MCTP1: variants seen among roughly 807,000 people sequenced by gnomAD.
MCTP1 encodes multiple C2 and transmembrane domain containing 1.
Under a neutral mutation model 120.6 loss-of-function variants are expected in MCTP1, and 69 were observed. That is an observed-to-expected ratio of 0.57 (90% CI 0.47 to 0.70). The LOEUF is 0.70. Ranked by LOEUF, MCTP1 falls within the 30% of genes least tolerant of loss-of-function variation. The probability of loss-of-function intolerance (pLI) is 0.00; values close to 1 mark genes in which losing one functional copy is unlikely to be tolerated. For synonymous variants in MCTP1, 529 were observed against 493.1 expected (o/e 1.07, Z -0.96); for missense variants, 1,203 against 1,248.8 (o/e 0.96, Z 0.55).
At chr5:95,172,758 G>A (rs1399876389) in intron 1 of MCTP1, among the ~76,000 whole-genome samples, 1 of 152,092 alleles carries the variant, frequency 6.6e-6, no homozygotes, top group Non-Finnish European at 1.5e-5. Context: ...GGTATCTCTT[G>A]TTCTGTTGTG....
At chr5:95,025,286 T>A (rs1481320377) in intron 1 of MCTP1, among the ~76,000 whole-genome samples, 1 of 152,192 alleles carries the variant, frequency 6.6e-6, no homozygotes, top group African/African-American at 2.4e-5. Context: ...CAATTGAGTT[T>A]TGATAGAGGT....
intron 1 of MCTP1, among the ~76,000 whole-genome samples, chr5:95,080,059 CT>C (rs1291846395): frequency 9.2e-5 from 14 of 152,024 alleles, no homozygotes; most frequent in Non-Finnish European, 2.1e-4. Context: ...TTTCTTTTCT[CT>C]TTTTCAAAGA....
chr5:95,277,275 A>T (rs1759928583), intron 1 of MCTP1, among the ~76,000 whole-genome samples: 1 of 152,162 alleles, frequency 6.6e-6, no homozygotes, highest in South Asian at 2.1e-4. Context: ...ACAATATGGC[A>T]GCCACTTAGT....
At chr5:94,870,392 G>C (rs1403251637) in intron 16 of MCTP1, 25 bp downstream of exon 16, 1 of 1,473,912 alleles carries the variant, frequency 6.8e-7, no homozygotes, top group African/African-American at 1.4e-5. Context: ...CTTCCCAGAG[G>C]GATTAATCTT....
chr5:94,938,887 T>C (rs918438536), intron 5 of MCTP1, among the ~76,000 whole-genome samples: 9 of 152,126 alleles, frequency 5.9e-5, no homozygotes, highest in Non-Finnish European at 1.0e-4. Flanking sequence ...TAGATACTTT[T>C]TTGTAAAAAT....
intron 17 of MCTP1, among the ~76,000 whole-genome samples, chr5:94,810,067 C>G (rs1229330509): frequency 2.6e-5 from 4 of 152,028 alleles, no homozygotes; most frequent in Non-Finnish European, 5.9e-5. Flanking sequence ...ACATGATGTT[C>G]TGATATTCCT....
intron 1 of MCTP1, among the ~76,000 whole-genome samples, chr5:95,145,122 T>A (rs1760272847): frequency 1.3e-5 from 2 of 151,646 alleles, no homozygotes; most frequent in Non-Finnish European, 2.9e-5. Flanking sequence ...CCTCCTTGTT[T>A]AGATGCATTC....
Position 94,894,703 on chromosome 5 carries a change from C to G in MCTP1, c.1785G>C (p.Leu595=), listed in dbSNP as rs1803486818. ...TCTGGTCCTCCAGGGAGTTGACAGA[C>G]AGGTCAGAGATGCTGACTGTGGCTG... ...TASATVSISD[L]SVNSLEDQKE... Residue 595 remains leucine (L), a synonymous_variant, in exon 11 of 23, where the codon CTG becomes CTC. Transcript: ENST00000515393. 2 of 1,612,968 alleles carry G rather than the reference C, an allele frequency of 1.2e-6. No individual in the cohort carries two copies. The highest frequency in any genetic ancestry group is 4.5e-5 in the East Asian group (2 of 44,844).
chr5:94,814,954 A>G (rs886612403), intron 17 of MCTP1, among the ~76,000 whole-genome samples: 4 of 152,140 alleles, frequency 2.6e-5, no homozygotes, highest in Non-Finnish European at 5.9e-5. Flanking sequence ...TTCCTCAGTG[A>G]TGTCTGTCGC....
chr5:94,962,190 C>T (rs1395399017), intron 2 of MCTP1, among the ~76,000 whole-genome samples: 1 of 151,914 alleles, frequency 6.6e-6, no homozygotes, highest in Non-Finnish European at 1.5e-5. Flanking sequence ...TCCTATACTG[C>T]CGGTGGGAGT....
intron 1 of MCTP1, among the ~76,000 whole-genome samples, chr5:95,183,041 A>C (rs1748788969): frequency 6.6e-6 from 1 of 151,748 alleles, no homozygotes; most frequent in Non-Finnish European, 1.5e-5. Flanking sequence ...AAAAAAAAAA[A>C]AGAATATTAT....
chr5:94,769,099 GA>G (rs1773481417), intron 19 of MCTP1, among the ~76,000 whole-genome samples: 1 of 151,994 alleles, frequency 6.6e-6, no homozygotes, highest in African/African-American at 2.4e-5. Flanking sequence ...ATGTGGGTGG[GA>G]CTTGAGGTCC....
At chr5:94,830,521 A>G (rs1788262252) in intron 17 of MCTP1, among the ~76,000 whole-genome samples, 1 of 152,236 alleles carries the variant, frequency 6.6e-6, no homozygotes. Flanking sequence ...TGAGGTGTCT[A>G]TCAATTTACC....
chr5:95,119,793 G>A (rs1022530116), intron 1 of MCTP1, among the ~76,000 whole-genome samples: 2 of 152,262 alleles, frequency 1.3e-5, no homozygotes, highest in African/African-American at 4.8e-5. Flanking sequence ...TCCTACATGC[G>A]TAAAACCTAT....
intron 8 of MCTP1, 145 bp from the exon 9 acceptor site, chr5:94,913,121 A>G (rs1809195007): frequency 3.2e-6 from 1 of 316,770 alleles, no homozygotes; most frequent in Non-Finnish European, 5.6e-6. Context: ...ATTATGAATT[A>G]TTAATTAATT....
At chr5:94,832,536 G>A (rs1314776384) in intron 17 of MCTP1, among the ~76,000 whole-genome samples, 1 of 151,574 alleles carries the variant, frequency 6.6e-6, no homozygotes, top group Non-Finnish European at 1.5e-5. Flanking sequence ...TTTGACTCAT[G>A]GTTTCCAGCT....
intron 8 of MCTP1, among the ~76,000 whole-genome samples, chr5:94,914,044 CT>C (rs1199792710): frequency 6.6e-6 from 1 of 151,910 alleles, no homozygotes. Flanking sequence ...CTGGCTTAGA[CT>C]TTTATTAAAA....
At chr5:94,969,627 A>G (rs1490216204) in intron 2 of MCTP1, among the ~76,000 whole-genome samples, 1 of 152,144 alleles carries the variant, frequency 6.6e-6, no homozygotes, top group Non-Finnish European at 1.5e-5. Flanking sequence ...GACAAAAGAA[A>G]AAAAGCAGTG....
chr5:94,796,788 G>A (rs779069381), intron 18 of MCTP1, among the ~76,000 whole-genome samples: 3 of 151,780 alleles, frequency 2.0e-5, no homozygotes, highest in Non-Finnish European at 2.9e-5. Flanking sequence ...TAAGAGTTAC[G>A]TAAGGTCTTA....
Sources: gnomAD v4.1 joint callset for allele counts (sites outside exome capture counted in the v4.1 genomes callset) on GRCh38, gnomAD v4.1.1 for gene constraint, MANE v1.5 for transcripts, NCBI Gene and HGNC (gene_info 2026-07-23, HGNC 2026-07-21) for gene names.